TMEM201: variants seen among roughly 807,000 people sequenced by gnomAD.
The protein encoded by TMEM201 is transmembrane protein 201.
TMEM201 carries 26 observed loss-of-function variants against 63.4 expected under a neutral mutation model. The observed-to-expected ratio is 0.41, with a 90% confidence interval of 0.30 to 0.57. The LOEUF (loss-of-function observed/expected upper bound fraction) is 0.57, where lower values mean the gene tolerates loss of function less well. Ranked by LOEUF, TMEM201 falls within the 20% of genes least tolerant of loss-of-function variation. The pLI is 0.29. For missense variants in TMEM201, 794 were observed against 917.7 expected, an observed-to-expected ratio of 0.87 and a Z score of 1.74; for synonymous variants, 417 against 421.6, an observed-to-expected ratio of 0.99 and a Z score of 0.14.
At chr1:9,611,643 C>G (rs1260218052) in intron 9 of TMEM201, 110 bp from the exon 10 acceptor site, 1 of 1,441,268 alleles carries the variant, frequency 6.9e-7, no homozygotes, top group African/African-American at 1.4e-5. Flanking sequence ...TTGGGACAGC[C>G]TGGCTCACCA....
chr1:9,603,083 G>A lies in TMEM201; in HGVS notation c.1160+811G>A, dbSNP rs1644177950. 28 of 985,370 alleles carry A rather than the reference G, an allele frequency of 2.8e-5. No homozygotes were observed. Among genetic ancestry groups the A allele is most frequent in the Non-Finnish European group, 3.1e-5 (26 of 829,982 alleles). The allele number at this position is 985,370 out of a possible 1,614,324, so 61.0% of individuals were successfully genotyped here. A position where few individuals can be genotyped will look rare whatever the true frequency, so the allele number is the denominator to read the frequency against. ...TCCAAGGGTAAGGGGCCCAGGGTAT[G>A]CAGGCCTTCAGTGACATCAGGTCGT... On this transcript the variant is annotated intron_variant, in intron 6 of 10. Coordinates refer to ENST00000340381, the MANE Select transcript of TMEM201 (RefSeq NM_001130924.3). The surrounding 1 kb of genome is among the most constrained non-coding windows in gnomAD (Gnocchi z 4.5).
At chr1:9,602,348 G>A in intron 6 of TMEM201, 76 bp downstream of exon 6, 2 of 1,557,008 alleles carry the variant, frequency 1.3e-6, no homozygotes, top group South Asian at 2.3e-5. Context: ...TCCGAAGCGG[G>A]CCCCTCTCTG....
Position 9,603,309 on chromosome 1 carries a change from T to TG in TMEM201, c.1160+1040dup. On this transcript the variant is annotated intron_variant, in intron 6 of 10. Transcript: ENST00000340381. This position sits in a 1 kb window ranked among gnomAD's most constrained non-coding sequence, Gnocchi z 4.5. The stretch of plus-strand genomic sequence containing the variant: ...GAGGTGGACCCCTCTCCATAGCCCT[T>TG]GGGTGCCAGCTCAGTGGGTGTGGGG... 4.1e-6 allele frequency: 4 copies of TG among 984,854 alleles called. No homozygotes were observed. 61.0% of individuals were successfully genotyped at this position (984,854 alleles called of 1,614,324 possible).
chr1:9,589,094 C>T (rs1048051437), intron 1 of TMEM201, 51 bp downstream of exon 1: 13 of 825,100 alleles, frequency 1.6e-5, no homozygotes, highest in Non-Finnish European at 1.2e-5. Context: ...CCGCCAGGCC[C>T]GCCCCCGCGC....
Position 9,607,647 on chromosome 1 carries a change from G to T in TMEM201, c.1251G>T (p.Leu417=). 2 of 1,551,884 alleles carry T rather than the reference G, an allele frequency of 1.3e-6. No homozygotes were observed. The highest frequency in any genetic ancestry group is 1.7e-6 in the Non-Finnish European group (2 of 1,147,082). ...HPSVGGSPAS[L]FIPSPPSFLP... is the part of the protein sequence containing the mutation. ...GTGTCGGAGGCTCTCCAGCGTCTCTGTTCATCCCCAGCCCGCCCAGCTTCC... is the reference window on the plus strand; with the variant it reads ...GTGTCGGAGGCTCTCCAGCGTCTCTTTTCATCCCCAGCCCGCCCAGCTTCC... The change falls in exon 7 of 11, where the codon CTG becomes CTT. Residue 417 remains leucine (L), a synonymous_variant. Coordinates refer to ENST00000340381, the MANE Select transcript of TMEM201 (RefSeq NM_001130924.3). This position sits in a 1 kb window ranked among gnomAD's most constrained non-coding sequence, Gnocchi z 5.4.
intron 4 of TMEM201, 140 bp from the exon 5 acceptor site, chr1:9,600,965 C>T: frequency 1.5e-6 from 1 of 680,418 alleles, no homozygotes; most frequent in Non-Finnish European, 2.5e-6. Flanking sequence ...GCCGGTGGAA[C>T]TGAGTGGTGA....
intron 6 of TMEM201, 60 bp downstream of exon 6, chr1:9,602,332 G>A: frequency 6.3e-7 from 1 of 1,587,228 alleles, no homozygotes; most frequent in Non-Finnish European, 8.6e-7. Context: ...CCCAGGCTTT[G>A]CCAGGTCCGA....
At position 9,607,076 on chromosome 1, in the gene TMEM201, TC is replaced by T. The variant is rs1644255620; in HGVS notation, c.1161-479del. On this transcript the variant is annotated intron_variant, in intron 6 of 10. Coordinates refer to ENST00000340381, the MANE Select transcript of TMEM201 (RefSeq NM_001130924.3). The surrounding 1 kb of genome is among the most constrained non-coding windows in gnomAD (Gnocchi z 5.4). The stretch of plus-strand genomic sequence containing the variant: ...CCCAGAGCCGTGCTGGGGCCTGACT[TC>T]CTATGATCCAGGCCCATCTGGGAGA... 6.6e-6 allele frequency among the ~76,000 whole-genome samples: 1 copy of T among 151,964 alleles called. No homozygotes were observed. The highest frequency in any genetic ancestry group is 6.6e-5 in the Admixed American group (1 of 15,254).
Position 9,604,169 on chromosome 1 carries a change from A to C in TMEM201, c.1160+1897A>C, listed in dbSNP as rs1644201160. On this transcript the variant is annotated intron_variant, in intron 6 of 10. Coordinates refer to ENST00000340381, the MANE Select transcript of TMEM201 (RefSeq NM_001130924.3). This position sits in a 1 kb window ranked among gnomAD's most constrained non-coding sequence, Gnocchi z 4.1. The stretch of plus-strand genomic sequence containing the variant: ...CTTCGGTTCTCGAGGAAGTGTTGAC[A>C]GTGTGATGCTAATGTCTGCTTTTCT... The C allele has an allele frequency of 2.0e-6, 2 of 985,334 alleles. No individual in the cohort carries two copies. Among genetic ancestry groups the C allele is most frequent in the African/African-American group, 1.7e-5 (1 of 57,246 alleles). The allele number at this position is 985,334 out of a possible 1,614,324, so 61.0% of individuals were successfully genotyped here. A position where few individuals can be genotyped will look rare whatever the true frequency, so the allele number is the denominator to read the frequency against.
chr1:9,598,702 A>G, intron 4 of TMEM201, 77 bp downstream of exon 4: 2 of 1,437,764 alleles, frequency 1.4e-6, no homozygotes, highest in Non-Finnish European at 1.9e-6. Flanking sequence ...GCTGGGCACT[A>G]GTGACCAGAG....
Position 9,608,987 on chromosome 1 carries a change from C to G in TMEM201, c.1394-853C>G, listed in dbSNP as rs1477091033. Among the ~76,000 whole-genome samples the G allele has an allele frequency of 2.6e-5, 4 of 152,150 alleles. No individual in the cohort carries two copies. The highest frequency in any genetic ancestry group is 9.7e-5 in the African/African-American group (4 of 41,438). Reference sequence around the variant, plus strand: ...CCTGCAGGGCTTTGGCTCATGTATTCAGAGACGCGCTGGACCGGGCTCAGG... The same window carrying G: ...CCTGCAGGGCTTTGGCTCATGTATTGAGAGACGCGCTGGACCGGGCTCAGG... On this transcript the variant is annotated intron_variant, in intron 7 of 10. Coordinates refer to ENST00000340381, the MANE Select transcript of TMEM201 (RefSeq NM_001130924.3). This position sits in a 1 kb window ranked among gnomAD's most constrained non-coding sequence, Gnocchi z 4.3.
Position 9,601,292 on chromosome 1 carries a change from C to T in TMEM201, c.794C>T (p.Thr265Ile). Residue 265 changes from threonine to isoleucine, a missense_variant, in exon 5 of 11, where the codon ACC (threonine) becomes ATC (isoleucine). Physicochemically the swap from Thr to Ile is moderately conservative, Grantham distance 89 (BLOSUM62 -1). Transcript: ENST00000340381. The stretch of plus-strand genomic sequence containing the variant: ...TCAGCCACACCTGACAATGGCACCA[C>T]CCCTGGGGCCGAGGGCTGGCGGCAG... ...NGSATPDNGT[T>I]PGAEGWRQLL... 1 of 1,610,314 alleles carries T rather than the reference C, an allele frequency of 6.2e-7. No homozygotes were observed. The highest frequency in any genetic ancestry group is 8.5e-7 in the Non-Finnish European group (1 of 1,179,846).
chr1:9,589,102 C>T (rs1643877220), intron 1 of TMEM201, 59 bp downstream of exon 1: 8 of 810,928 alleles, frequency 9.9e-6, no homozygotes, highest in Admixed American at 6.3e-5. Flanking sequence ...CCCGCCCCCG[C>T]GCCGCCCCGG....
intron 1 of TMEM201, among the ~76,000 whole-genome samples, chr1:9,590,762 A>C (rs1040999573): frequency 1.3e-5 from 2 of 152,312 alleles, no homozygotes; most frequent in Non-Finnish European, 1.5e-5. Flanking sequence ...AGATGTCCTC[A>C]TAGAGCACTG....
At position 9,607,292 on chromosome 1, in the gene TMEM201, A is replaced by C. The variant is rs1184876781; in HGVS notation, c.1161-265A>C. Among the ~76,000 whole-genome samples the C allele has an allele frequency of 6.7e-6, 1 of 148,640 alleles. No individual in the cohort carries two copies. The highest frequency in any genetic ancestry group is 1.5e-5 in the Non-Finnish European group (1 of 67,236). The stretch of plus-strand genomic sequence containing the variant: ...GTGTCACTTTAATACCGAGACTCGT[A>C]GTGGAGATAGTTTGCTGTGAGCCGA... On this transcript the variant is annotated intron_variant, in intron 6 of 10. Transcript: ENST00000340381. The surrounding 1 kb of genome is among the most constrained non-coding windows in gnomAD (Gnocchi z 5.4).
intron 9 of TMEM201, among the ~76,000 whole-genome samples, chr1:9,611,547 C>G (rs1644324420): frequency 6.6e-6 from 1 of 152,214 alleles, no homozygotes; most frequent in African/African-American, 2.4e-5. Context: ...GATCTGGTCA[C>G]CTTGGGCCTG....
chr1:9,612,718 G>A (rs1303972090), intron 10 of TMEM201, among the ~76,000 whole-genome samples: 1 of 152,150 alleles, frequency 6.6e-6, no homozygotes, highest in East Asian at 1.9e-4. Context: ...CATCACCCAG[G>A]CCCCAGCTCA....
intron 6 of TMEM201, chr1:9,602,491 A>C (rs929952599): frequency 1.7e-5 from 24 of 1,420,336 alleles, no homozygotes; most frequent in Non-Finnish European, 2.0e-5. Flanking sequence ...GCCATCCCCG[A>C]GTGCCCTGTA....
rs1289624492 is a variant in TMEM201 at position 9,601,336 on chromosome 1, G to A, written c.838G>A (p.Glu280Lys). The change falls in exon 5 of 11, where the codon GAG (glutamate) becomes AAG (lysine). Residue 280 changes from glutamate to lysine, a missense_variant. By Grantham distance (56) the Glu-to-Lys change is moderately conservative. Coordinates refer to ENST00000340381, the MANE Select transcript of TMEM201 (RefSeq NM_001130924.3). ...GCGGCAGTTGCTGGGCCTACTCCCC[G>A]AGCACATGGCGGAGAAGCTGTGTGA... ...GWRQLLGLLP[E>K]HMAEKLCEAW... The A allele has an allele frequency of 3.0e-5, 48 of 1,608,472 alleles. No homozygotes were observed. The highest frequency in any genetic ancestry group is 6.6e-5 in the South Asian group (6 of 91,084).
Sources: gnomAD v4.1 joint callset for allele counts (sites outside exome capture counted in the v4.1 genomes callset) on GRCh38, gnomAD v4.1.1 for gene constraint, Gnocchi (gnomAD v3.1) non-coding constraint, MANE v1.5 for transcripts, NCBI Gene and HGNC (gene_info 2026-07-23, HGNC 2026-07-21) for gene names.